PCP4: variants seen among roughly 807,000 people sequenced by gnomAD.
The protein encoded by PCP4 is calmodulin regulator protein PCP4.
Under a neutral mutation model 10.0 loss-of-function variants are expected in PCP4, and 8 were observed. That is an observed-to-expected ratio of 0.80 (90% CI 0.47 to 1.45). PCP4 has a LOEUF of 1.45. PCP4 is among the 40% of genes most tolerant of loss of function. The pLI, the probability that PCP4 is intolerant of heterozygous loss-of-function variation, is 0.00. For missense variants in PCP4, 54 were observed against 74.4 expected (o/e 0.73, Z 1.01); for synonymous variants, 21 against 23.0 (o/e 0.91, Z 0.24).
At chr21:39,892,313 T>A (rs1231838591) in intron 1 of PCP4, among the ~76,000 whole-genome samples, 1 of 152,258 alleles carries the variant, frequency 6.6e-6, no homozygotes, top group Non-Finnish European at 1.5e-5. Context: ...TAATAATGAT[T>A]GATAATTGTT....
chr21:39,907,630 T>C (rs2087518495), intron 2 of PCP4, among the ~76,000 whole-genome samples: 1 of 152,078 alleles, frequency 6.6e-6, no homozygotes, highest in Non-Finnish European at 1.5e-5. Context: ...ACTCCATCTC[T>C]ACCAAAAAAT....
In PCP4 at chr21:39,906,672, T is replaced by C. The variant is rs2146342170; in HGVS notation, c.61+8145T>C. On this transcript the variant is annotated intron_variant, in intron 2 of 2. Coordinates refer to ENST00000328619, the MANE Select transcript of PCP4 (RefSeq NM_006198.3). The surrounding 1 kb of genome is among the most constrained non-coding windows in gnomAD (Gnocchi z 6.3). ...TTTTTGAGATTGAGCAGTGGACAGC[T>C]TTAGATCAGCTGAAATAGAATTTCA... Among the ~76,000 whole-genome samples, 2 of 152,196 alleles carry C rather than the reference T, an allele frequency of 1.3e-5. 1 individual carries two copies. Among genetic ancestry groups the C allele is most frequent in the East Asian group, 3.9e-4 (2 of 5,158 alleles).
chr21:39,868,292 TG>T (rs946341598), intron 1 of PCP4, among the ~76,000 whole-genome samples: 9 of 152,240 alleles, frequency 5.9e-5, no homozygotes, highest in Non-Finnish European at 1.2e-4. Context: ...CATTTCCTCT[TG>T]GTTGGCACTT....
rs115775076 is a variant in PCP4, at chr21:39,899,319, T to A, written c.61+792T>A. On this transcript the variant is annotated intron_variant, in intron 2 of 2. Transcript: ENST00000328619. Reference sequence around the variant, plus strand: ...GAGGTGAGACTCTGGGTGTTCTTCCTTTCTGTTAACTCAAGATGAACTCTC... The same window carrying A: ...GAGGTGAGACTCTGGGTGTTCTTCCATTCTGTTAACTCAAGATGAACTCTC... Among the ~76,000 whole-genome samples the A allele has an allele frequency of 3.4e-3, 511 of 152,310 alleles. 3 individuals carry two copies. The highest frequency in any genetic ancestry group is 0.012 in the African/African-American group (495 of 41,564).
At chr21:39,885,909 C>T (rs546434960) in intron 1 of PCP4, among the ~76,000 whole-genome samples, 2 of 152,232 alleles carry the variant, frequency 1.3e-5, no homozygotes, top group African/African-American at 4.8e-5. Flanking sequence ...CAGAAGTTTA[C>T]AATCCTGGTG....
rs201766246 is a variant in PCP4 at position 39,903,884 on chromosome 21, A to C, written c.61+5357A>C. On this transcript the variant is annotated intron_variant, in intron 2 of 2. Coordinates refer to ENST00000328619, the MANE Select transcript of PCP4 (RefSeq NM_006198.3). ...CTCCGTCTCAAAAAAAACAAAAAAA[A>C]AAAAAAAAAAAAGACTTAGTTTGAT... 2.6e-3 allele frequency among the ~76,000 whole-genome samples: 391 copies of C among 150,332 alleles called. 3 individuals carry two copies. Among genetic ancestry groups the C allele is most frequent in the African/African-American group, 8.8e-3 (359 of 40,868 alleles).
intron 2 of PCP4, among the ~76,000 whole-genome samples, chr21:39,927,339 G>GTCTGTCTATCTATCTATCTA (rs2087628720): frequency 3.2e-4 from 32 of 98,930 alleles, no homozygotes; most frequent in African/African-American, 1.2e-3. Flanking sequence ...CTATCTATCT[G>GTCTGTCTATCTATCTATCTA]TCTATCTATC....
At chr21:39,904,116 A>T (rs1034584923) in intron 2 of PCP4, among the ~76,000 whole-genome samples, 1 of 152,188 alleles carries the variant, frequency 6.6e-6, no homozygotes, top group Non-Finnish European at 1.5e-5. Flanking sequence ...AGAGGTCCCA[A>T]GAAGGACTTG....
intron 2 of PCP4, among the ~76,000 whole-genome samples, chr21:39,902,229 C>T (rs2087485232): frequency 6.6e-6 from 1 of 152,004 alleles, no homozygotes. Flanking sequence ...TGGATAGTAA[C>T]ACTTCATAAT....
intron 1 of PCP4, among the ~76,000 whole-genome samples, chr21:39,880,241 G>A (rs2087368620): frequency 6.6e-6 from 1 of 151,972 alleles, no homozygotes; most frequent in African/African-American, 2.4e-5. Flanking sequence ...GCCCAAGCCT[G>A]ACCATGGAGG....
chr21:39,882,901 A>G (rs908899267), intron 1 of PCP4, among the ~76,000 whole-genome samples: 16 of 152,208 alleles, frequency 1.1e-4, no homozygotes, highest in Non-Finnish European at 2.1e-4. Context: ...TCTTCTCTGT[A>G]CTGCTTCAAT....
chr21:39,874,169 A>G (rs572841555), intron 1 of PCP4, among the ~76,000 whole-genome samples: 2 of 152,232 alleles, frequency 1.3e-5, no homozygotes, highest in East Asian at 1.9e-4. Context: ...AAATAAGGCA[A>G]TTTTCCTCAC....
intron 2 of PCP4, among the ~76,000 whole-genome samples, chr21:39,919,351 A>G (rs570416300): frequency 2.0e-5 from 3 of 152,340 alleles, no homozygotes; most frequent in African/African-American, 7.2e-5. Context: ...AGAAGGTAGA[A>G]CATTCTAAGA....
chr21:39,898,095 G>A (rs1366687472), intron 1 of PCP4, among the ~76,000 whole-genome samples: 1 of 148,492 alleles, frequency 6.7e-6, no homozygotes, highest in African/African-American at 2.5e-5. Flanking sequence ...TGACTGGAAC[G>A]AAAATACAGC....
intron 1 of PCP4, among the ~76,000 whole-genome samples, chr21:39,894,892 C>T (rs1211201239): frequency 6.6e-6 from 1 of 152,180 alleles, no homozygotes; most frequent in Non-Finnish European, 1.5e-5. Context: ...AAGGCAGCCT[C>T]TTCCCGAAGA....
At chr21:39,928,416 C>A (rs2087635254) in intron 2 of PCP4, among the ~76,000 whole-genome samples, 1 of 152,170 alleles carries the variant, frequency 6.6e-6, no homozygotes, top group Non-Finnish European at 1.5e-5. Context: ...GCCAAGTCTA[C>A]CTCATAGGAA....
chr21:39,895,130 CCCATCCATTCTTCCATCCAT>C (rs2087450995), intron 1 of PCP4, among the ~76,000 whole-genome samples: 2 of 151,284 alleles, frequency 1.3e-5, no homozygotes, highest in Admixed American at 6.6e-5. Flanking sequence ...CTTAGGTCCA[CCCATCCATTCTTCCATCCAT>C]CCATCCATCC....
intron 2 of PCP4, among the ~76,000 whole-genome samples, chr21:39,927,397 T>A (rs1171258519): frequency 6.6e-6 from 1 of 151,888 alleles, no homozygotes; most frequent in Non-Finnish European, 1.5e-5. Flanking sequence ...TCTATCATCA[T>A]CTATCTAGAG....
At chr21:39,903,873 AAAC>A (rs1260438938) in intron 2 of PCP4, among the ~76,000 whole-genome samples, 21 of 134,646 alleles carry the variant, frequency 1.6e-4, no homozygotes, top group African/African-American at 4.6e-4. Context: ...GTCTCAAAAA[AAAC>A]AAAAAAAAAA....
Sources: allele counts gnomAD v4.1 joint callset (sites outside exome capture counted in the v4.1 genomes callset), GRCh38; gene constraint gnomAD v4.1.1; non-coding constraint Gnocchi (gnomAD v3.1); transcripts MANE v1.5; gene names NCBI Gene and HGNC (gene_info 2026-07-23, HGNC 2026-07-21).